The following CCDC7 variants were observed in gnomAD, a reference collection of about 807,000 sequenced individuals.
The protein encoded by CCDC7 is coiled-coil domain-containing protein 7.
Under a neutral mutation model 196.9 loss-of-function variants are expected in CCDC7, and 183 were observed. The observed-to-expected ratio is 0.93, with a 90% CI of 0.82 to 1.05. The LOEUF (loss-of-function observed/expected upper bound fraction) is 1.05, where lower values mean the gene tolerates loss of function less well. Ranked by LOEUF, CCDC7 falls within the 50% of genes least tolerant of loss-of-function variation. The pLI, the probability that CCDC7 is intolerant of heterozygous loss-of-function variation, is 0.00. For synonymous variants in CCDC7, 525 were observed against 484.6 expected (o/e 1.08, Z -1.10); for missense variants, 1,540 against 1,482.2 (o/e 1.04, Z -0.64).
At position 32,503,310 on chromosome 10, in the gene CCDC7, G is replaced by T. The variant is rs554316972; in HGVS notation, c.872+11313G>T. Among the ~76,000 whole-genome samples the T allele has an allele frequency of 5.7e-4, 86 of 152,156 alleles. No homozygotes were observed. The Middle Eastern group carries it at 0.014, about 24-fold the overall frequency. Reference sequence around the variant, plus strand: ...TGATATATGGATTTTATTATATTAAGGTACATTCCTTCTATACCTATTTAT... The same window carrying T: ...TGATATATGGATTTTATTATATTAATGTACATTCCTTCTATACCTATTTAT... On this transcript the variant is annotated intron_variant, in intron 9 of 41. Coordinates refer to ENST00000639629, the Ensembl canonical transcript of CCDC7.
At chr10:32,520,934 A>G (rs1046443602) in intron 11 of CCDC7, among the ~76,000 whole-genome samples, 6 of 152,110 alleles carry the variant, frequency 3.9e-5, no homozygotes, top group African/African-American at 1.2e-4. Flanking sequence ...ATTCATCTGC[A>G]TATAGCTATC....
intron 7 of CCDC7, 151 bp from the exon 9 acceptor site, chr10:32,473,816 T>G (rs2133959472): frequency 1.6e-6 from 1 of 609,080 alleles, no homozygotes; most frequent in African/African-American, 1.9e-5. Context: ...CTTACCTGAT[T>G]AGGAAGATCT....
At chr10:32,462,774 T>G in intron 4 of CCDC7, 71 bp downstream of exon 5, 1 of 1,371,932 alleles carries the variant, frequency 7.3e-7, no homozygotes, top group Non-Finnish European at 9.8e-7. Flanking sequence ...GAAGAAGAGG[T>G]TTCTAAATTT....
In CCDC7 at chr10:32,804,764, A is replaced by G. The variant is rs561267216; in HGVS notation, c.3014-251A>G. ...CAGGTTGTGCAACAACTTTGTTATC[A>G]CCTCGATATGTGGTCTTGGTCGAAT... On this transcript the variant is annotated intron_variant, in intron 29 of 41. Transcript: ENST00000639629. Among the ~76,000 whole-genome samples the G allele has an allele frequency of 6.7e-4, 102 of 152,252 alleles. 1 individual carries two copies. The highest frequency in any genetic ancestry group is 1.1e-3 in the Non-Finnish European group (76 of 68,000).
chr10:32,744,118 C>T (rs2074287849), intron 28 of CCDC7, among the ~76,000 whole-genome samples: 1 of 150,122 alleles, frequency 6.7e-6, no homozygotes, highest in South Asian at 2.1e-4. Context: ...GCACATGTAT[C>T]CTAGAACTTA....
chr10:32,729,572 A>T, intron 28 of CCDC7, 115 bp downstream of exon 29: 1 of 469,972 alleles, frequency 2.1e-6, no homozygotes, highest in Non-Finnish European at 3.7e-6. Flanking sequence ...TATTTCCATC[A>T]CACTACCAGA....
intron 31 of CCDC7, among the ~76,000 whole-genome samples, chr10:32,821,932 C>T (rs2090310925): frequency 6.6e-6 from 1 of 151,324 alleles, no homozygotes; most frequent in African/African-American, 2.4e-5. Context: ...GCACGTTGTG[C>T]ACATGTACCC....
chr10:32,872,149 C>A (rs1318324269), intron 41 of CCDC7, among the ~76,000 whole-genome samples: 1 of 152,056 alleles, frequency 6.6e-6, no homozygotes, highest in African/African-American at 2.4e-5. Flanking sequence ...GAGTTGAAGA[C>A]CTGGATATCC....
chr10:32,486,134 A>C (rs920297214), intron 8 of CCDC7, among the ~76,000 whole-genome samples: 1 of 152,052 alleles, frequency 6.6e-6, no homozygotes, highest in African/African-American at 2.4e-5. Flanking sequence ...GGGAGTCTAC[A>C]TCTCTTTCTA....
At chr10:32,444,372 G>A (rs532455375), upstream of CCDC7, among the ~76,000 whole-genome samples, 6 of 152,236 alleles carry the variant, frequency 3.9e-5, no homozygotes, top group South Asian at 1.2e-3. Flanking sequence ...AAACTTCTTT[G>A]CTTTACATTG....
chr10:32,801,602 C>A (rs769705893), intron 29 of CCDC7, among the ~76,000 whole-genome samples: 1 of 152,186 alleles, frequency 6.6e-6, no homozygotes, highest in Non-Finnish European at 1.5e-5. Flanking sequence ...GAGTGTAGTG[C>A]ACCTCCATGT....
rs1565633527 is a variant in CCDC7, at chr10:32,828,465, G to GGA, written c.3268+3861_3268+3862insGA. ...AGAAGAAGAAGAAGAAGAAGAAGAA[G>GGA]AGGAAGAGGAAGAGGAAGAGGAAGA... is the stretch of plus-strand genomic sequence containing the variant. On this transcript the variant is annotated intron_variant, in intron 32 of 41. Transcript: ENST00000639629. Among the ~76,000 whole-genome samples the GGA allele has an allele frequency of 1.1e-3, 74 of 67,574 alleles. 2 individuals are homozygous for GGA. The Middle Eastern group carries it at 0.019, about 17-fold the overall frequency. The allele number at this position is 67,574 out of a possible 152,430, so 44.3% of individuals were successfully genotyped here.
chr10:32,631,596 G>GT (rs1446934198), intron 18 of CCDC7, among the ~76,000 whole-genome samples: 1 of 150,720 alleles, frequency 6.6e-6, no homozygotes, highest in African/African-American at 2.4e-5. Context: ...CCTCCAAATA[G>GT]TTTTTTCTCA....
At chr10:32,866,348 G>A (rs2094199077) in intron 41 of CCDC7, among the ~76,000 whole-genome samples, 1 of 151,508 alleles carries the variant, frequency 6.6e-6, no homozygotes, top group Admixed American at 6.6e-5. Flanking sequence ...AGACATATCT[G>A]ATAAAGAACT....
chr10:32,556,777 T>C (rs867127955), intron 13 of CCDC7, among the ~76,000 whole-genome samples: 9 of 152,348 alleles, frequency 5.9e-5, no homozygotes, highest in Middle Eastern at 3.4e-3. Flanking sequence ...TAATTTAGGG[T>C]TCTAATTCCA....
chr10:32,824,692 A>G (rs776954014), intron 32 of CCDC7, 88 bp downstream of exon 33: 9 of 760,012 alleles, frequency 1.2e-5, no homozygotes, highest in Non-Finnish European at 1.7e-5. Flanking sequence ...CAGTACCTAT[A>G]TGTAATTATC....
intron 21 of CCDC7, among the ~76,000 whole-genome samples, chr10:32,684,138 G>A (rs557354613): frequency 2.0e-5 from 3 of 152,146 alleles, no homozygotes; most frequent in African/African-American, 7.2e-5. Context: ...TAGGCCGATT[G>A]GCTTTGCTTG....
In CCDC7 at chr10:32,517,954, TG is replaced by T; in HGVS notation, c.883del (p.Asp295IlefsTer5). The T allele has an allele frequency of 6.3e-7, 1 of 1,591,638 alleles. No individual in the cohort carries two copies. The highest frequency in any genetic ancestry group is 8.5e-7 in the Non-Finnish European group (1 of 1,170,594). On this transcript the variant is annotated frameshift_variant, in exon 10 of 42. Transcript: ENST00000639629. LOFTEE classifies it high-confidence loss of function. ...TTGGTTTATTTTTCAGAGCTGTAAA[TG>T]ATCAAGTTTTGTTAGATGCTGTAAG...
At chr10:32,650,422 ACT>A (rs1238516826) in intron 20 of CCDC7, among the ~76,000 whole-genome samples, 1 of 152,060 alleles carries the variant, frequency 6.6e-6, no homozygotes, top group African/African-American at 2.4e-5. Context: ...AAGAGATGTA[ACT>A]CTCTCACCAG....
Sources: allele counts gnomAD v4.1 joint callset (sites outside exome capture counted in the v4.1 genomes callset), GRCh38; gene constraint gnomAD v4.1.1; transcripts MANE v1.5; gene names NCBI Gene and HGNC (gene_info 2026-07-23, HGNC 2026-07-21).